TMC1: variants seen among roughly 807,000 people sequenced by gnomAD.
The protein encoded by TMC1 is transmembrane channel-like protein 1.
TMC1 carries 84 observed loss-of-function variants against 105.8 expected under a neutral mutation model. The observed-to-expected ratio is 0.79, with a 90% CI of 0.67 to 0.95. TMC1 has a LOEUF of 0.95. Ranked by LOEUF, TMC1 falls within the 40% of genes least tolerant of loss-of-function variation. The pLI, the probability that TMC1 is intolerant of heterozygous loss-of-function variation, is 0.00. For missense variants in TMC1, 817 were observed against 914.1 expected, an observed-to-expected ratio of 0.89 and a Z score of 1.37; for synonymous variants, 315 against 311.5, an observed-to-expected ratio of 1.01 and a Z score of -0.12.
intron 5 of TMC1, among the ~76,000 whole-genome samples, chr9:72,664,610 T>C (rs1053747471): frequency 1.3e-5 from 2 of 152,186 alleles, no homozygotes; most frequent in South Asian, 4.1e-4. Context: ...AGCATCTGAA[T>C]GTCAAGAGGA....
At chr9:72,546,379 ATGAT>A (rs1435743072) in intron 1 of TMC1, among the ~76,000 whole-genome samples, 1 of 152,238 alleles carries the variant, frequency 6.6e-6, no homozygotes, top group Non-Finnish European at 1.5e-5. Flanking sequence ...AAACCACTGA[ATGAT>A]TGAAAACATT....
At chr9:72,627,254 G>T (rs1391302811) in intron 3 of TMC1, among the ~76,000 whole-genome samples, 1 of 152,094 alleles carries the variant, frequency 6.6e-6, no homozygotes, top group African/African-American at 2.4e-5. Context: ...GCGGTCTGGG[G>T]AGCATTATTC....
At chr9:72,548,951 A>G (rs1237742525) in intron 1 of TMC1, among the ~76,000 whole-genome samples, 1 of 152,246 alleles carries the variant, frequency 6.6e-6, no homozygotes, top group African/African-American at 2.4e-5. Flanking sequence ...AGAAGAAACT[A>G]CATCCCCTCT....
intron 1 of TMC1, among the ~76,000 whole-genome samples, chr9:72,553,696 A>G (rs1823890456): frequency 6.6e-6 from 1 of 152,202 alleles, no homozygotes; most frequent in Non-Finnish European, 1.5e-5. Context: ...GAAGTGGACA[A>G]ATCAATGTAT....
chr9:72,661,654 G>T (rs991358234), intron 5 of TMC1, among the ~76,000 whole-genome samples: 1 of 152,172 alleles, frequency 6.6e-6, no homozygotes, highest in Non-Finnish European at 1.5e-5. Flanking sequence ...TATTATTTAT[G>T]TTCCTTATAT....
intron 8 of TMC1, among the ~76,000 whole-genome samples, chr9:72,711,147 T>A (rs1385950651): frequency 2.6e-5 from 4 of 152,224 alleles, no homozygotes; most frequent in Non-Finnish European, 5.9e-5. Context: ...TGTGCCACAT[T>A]TTCTTTATCT....
intron 4 of TMC1, among the ~76,000 whole-genome samples, chr9:72,647,294 T>C (rs1309064169): frequency 6.6e-6 from 1 of 152,004 alleles, no homozygotes; most frequent in Non-Finnish European, 1.5e-5. Context: ...CTTTTTTAAT[T>C]GTCTTCAGTT....
intron 1 of TMC1, among the ~76,000 whole-genome samples, chr9:72,542,610 A>C (rs890536789): frequency 6.7e-6 from 1 of 149,188 alleles, no homozygotes; most frequent in East Asian, 1.9e-4. Context: ...GGAGAAAAAG[A>C]AAAAAAAGAA....
chr9:72,682,992 G>A (rs1431408907), intron 5 of TMC1, among the ~76,000 whole-genome samples: 1 of 152,154 alleles, frequency 6.6e-6, no homozygotes, highest in East Asian at 1.9e-4. Flanking sequence ...TTTTAAACAA[G>A]ATCTTGTGAG....
At chr9:72,569,239 G>A (rs1437434454) in intron 1 of TMC1, among the ~76,000 whole-genome samples, 2 of 151,668 alleles carry the variant, frequency 1.3e-5, no homozygotes, top group Middle Eastern at 3.2e-3. Flanking sequence ...TTGTTATATT[G>A]TATTGTTTAG....
intron 5 of TMC1, among the ~76,000 whole-genome samples, chr9:72,661,090 T>C (rs1825963580): frequency 6.6e-6 from 1 of 152,080 alleles, no homozygotes. Flanking sequence ...AGGCAGAGGT[T>C]GCAGTGAGCC....
intron 12 of TMC1, among the ~76,000 whole-genome samples, chr9:72,760,028 G>A (rs956246302): frequency 6.6e-6 from 1 of 151,946 alleles, no homozygotes; most frequent in Non-Finnish European, 1.5e-5. Flanking sequence ...TCCCAAATCA[G>A]CTTCTCAAAT....
chr9:72,547,483 T>C (rs1823792131), intron 1 of TMC1, among the ~76,000 whole-genome samples: 1 of 152,150 alleles, frequency 6.6e-6, no homozygotes, highest in South Asian at 2.1e-4. Flanking sequence ...GTCTTGGCCA[T>C]AGTTTCAGCA....
Position 72,756,105 on chromosome 9 carries a change from G to C in TMC1, c.741+1221G>C, listed in dbSNP as rs573758303. Among the ~76,000 whole-genome samples, 37 of 152,310 alleles carry C rather than the reference G, an allele frequency of 2.4e-4. No individual in the cohort carries two copies. The South Asian group carries it at 5.6e-3, about 23-fold the overall frequency. On this transcript the variant is annotated intron_variant, in intron 12 of 23. Transcript: ENST00000297784. The stretch of plus-strand genomic sequence containing the variant: ...CTATTGAGTTAGCATGAGGCACAAT[G>C]ATAGCAACAAATATGTGGCATTTGT...
intron 13 of TMC1, among the ~76,000 whole-genome samples, chr9:72,780,410 A>T (rs1460037716): frequency 6.6e-6 from 1 of 152,208 alleles, no homozygotes; most frequent in Non-Finnish European, 1.5e-5. Flanking sequence ...TCACATATGA[A>T]TATTAACCTT....
intron 2 of TMC1, among the ~76,000 whole-genome samples, chr9:72,599,495 G>C (rs530008267): frequency 1.2e-3 from 179 of 152,316 alleles, no homozygotes; most frequent in African/African-American, 4.0e-3. Context: ...AATTTTCTAA[G>C]AAAAGGCCTG....
intron 2 of TMC1, among the ~76,000 whole-genome samples, chr9:72,599,609 G>C (rs1824773959): frequency 6.6e-6 from 1 of 151,850 alleles, no homozygotes; most frequent in African/African-American, 2.4e-5. Flanking sequence ...CAGAGTTCAA[G>C]ACCAGCCTGG....
intron 8 of TMC1, among the ~76,000 whole-genome samples, chr9:72,723,577 T>C (rs1394352515): frequency 6.6e-6 from 1 of 152,236 alleles, no homozygotes; most frequent in Non-Finnish European, 1.5e-5. Flanking sequence ...TTGTTATGAG[T>C]GCTTAGCAAA....
intron 13 of TMC1, among the ~76,000 whole-genome samples, chr9:72,787,045 G>A (rs1401514242): frequency 6.6e-6 from 1 of 150,760 alleles, no homozygotes. Context: ...CATTTTGTAT[G>A]GCTTTTCATA....
Sources: gnomAD v4.1 joint callset for allele counts (sites outside exome capture counted in the v4.1 genomes callset) on GRCh38, gnomAD v4.1.1 for gene constraint, MANE v1.5 for transcripts, NCBI Gene and HGNC (gene_info 2026-07-23, HGNC 2026-07-21) for gene names.